Variants in UGT1A8 observed in about 807,000 individuals in gnomAD.
UGT1A8 encodes UDP glucuronosyltransferase family 1 member A8.
UGT1A8 carries 39 observed loss-of-function variants against 45.3 expected under a neutral mutation model. The observed-to-expected ratio is 0.86, with a 90% CI of 0.67 to 1.12. The LOEUF (loss-of-function observed/expected upper bound fraction) is 1.12. Among genes scored for constraint, UGT1A8 ranks in the 50% most tolerant of loss-of-function variants. The pLI, the probability that UGT1A8 is intolerant of heterozygous loss-of-function variation, is 0.00. For synonymous variants in UGT1A8, 275 were observed against 249.2 expected (o/e 1.10, Z -0.97); for missense variants, 719 against 664.9 (o/e 1.08, Z -0.90).
At position 233,719,392 on chromosome 2, in the gene UGT1A8, C is replaced by T. The variant is rs776862495; in HGVS notation, c.856-47642C>T. The T allele has an allele frequency of 4.8e-5, 78 of 1,613,868 alleles. 1 individual carries two copies. Among genetic ancestry groups the T allele is most frequent in the Non-Finnish European group, 6.4e-5 (75 of 1,179,882 alleles). On this transcript the variant is annotated intron_variant, in intron 1 of 4. Coordinates refer to ENST00000373450, the MANE Select transcript of UGT1A8 (RefSeq NM_019076.5). Reference sequence around the variant, plus strand: ...AAGGGCACACAGTGTCCAAATCCTTCCTCCTATATTCCTAAGTTACTAACG... The same window carrying T: ...AAGGGCACACAGTGTCCAAATCCTTTCTCCTATATTCCTAAGTTACTAACG...
At chr2:233,625,277 A>T (rs902894965) in intron 1 of UGT1A8, among the ~76,000 whole-genome samples, 5 of 152,172 alleles carry the variant, frequency 3.3e-5, no homozygotes, top group African/African-American at 1.2e-4. Flanking sequence ...GTTATTAAAA[A>T]GTCAAGAAAC....
intron 1 of UGT1A8, chr2:233,719,408 G>C (rs762624701): frequency 6.2e-7 from 1 of 1,613,826 alleles, no homozygotes. Flanking sequence ...ATATTCCTAA[G>C]TTACTAACGA....
chr2:233,759,141 G>A (rs766249806), intron 1 of UGT1A8, among the ~76,000 whole-genome samples: 1 of 152,222 alleles, frequency 6.6e-6, no homozygotes, highest in Non-Finnish European at 1.5e-5. Context: ...CGCAATGAAG[G>A]TGAGTTCCAC....
chr2:233,745,932 CAGCTGGGGGTT>C (rs1347994151), intron 1 of UGT1A8, among the ~76,000 whole-genome samples: 3 of 151,404 alleles, frequency 2.0e-5, no homozygotes, highest in East Asian at 3.9e-4. Context: ...TCAGAAGGGA[CAGCTGGGGGTT>C]GGGCAACTGG....
intron 1 of UGT1A8, among the ~76,000 whole-genome samples, chr2:233,662,877 T>TAA (rs2074003593): frequency 3.3e-5 from 5 of 151,878 alleles, no homozygotes; most frequent in Admixed American, 2.0e-4. Context: ...TTTCTGTAAC[T>TAA]ATTAAGATTG....
At chr2:233,725,989 G>C (rs2077488479) in intron 1 of UGT1A8, among the ~76,000 whole-genome samples, 1 of 152,034 alleles carries the variant, frequency 6.6e-6, no homozygotes, top group African/African-American at 2.4e-5. Context: ...AACGTGCTGA[G>C]ACTGCATCTC....
At chr2:233,684,175 T>A (rs1300963446) in intron 1 of UGT1A8, among the ~76,000 whole-genome samples, 2 of 152,194 alleles carry the variant, frequency 1.3e-5, no homozygotes, top group African/African-American at 2.4e-5. Flanking sequence ...TATTGGCAGA[T>A]GTTTGGTGAA....
In UGT1A8 at chr2:233,618,427, A is replaced by G. The variant is rs1126806; in HGVS notation, c.720A>G (p.Thr240=). The change falls in exon 1 of 5, where the codon ACA becomes ACG. Residue 240 remains threonine (T), a synonymous_variant. Transcript: ENST00000373450. ...CTGAAATTCTCCAAACACCTGTCAC[A>G]GCATATGATCTCTACAGCCACACAT... ...IASEILQTPV[T]AYDLYSHTSI... is the part of the protein sequence containing the mutation. 43 of 1,613,832 alleles carry G rather than the reference A, an allele frequency of 2.7e-5. No homozygotes were observed. The highest frequency in any genetic ancestry group is 1.5e-4 in the African/African-American group (11 of 74,920).
intron 1 of UGT1A8, chr2:233,682,084 C>T (rs1387851002): frequency 1.9e-6 from 3 of 1,614,096 alleles, no homozygotes; most frequent in Non-Finnish European, 8.5e-7. Context: ...AGAAACTCAT[C>T]CTCAGGGGGC....
chr2:233,739,889 C>G (rs1358734897), intron 1 of UGT1A8, among the ~76,000 whole-genome samples: 1 of 151,866 alleles, frequency 6.6e-6, no homozygotes, highest in African/African-American at 2.4e-5. Context: ...GTGTTTCCAC[C>G]CAAATCTCAT....
intron 1 of UGT1A8, among the ~76,000 whole-genome samples, chr2:233,658,629 AT>A (rs1406693181): frequency 6.6e-6 from 1 of 152,084 alleles, no homozygotes; most frequent in Non-Finnish European, 1.5e-5. Flanking sequence ...TGATGTTTTG[AT>A]CATGGTTAGA....
intron 1 of UGT1A8, chr2:233,689,841 A>C (rs531695215): frequency 2.2e-6 from 1 of 453,890 alleles, no homozygotes; most frequent in African/African-American, 2.0e-5. Flanking sequence ...ACTTTCTTGG[A>C]TATTGTTTTA....
intron 1 of UGT1A8, chr2:233,754,450 G>A (rs1695489030): frequency 5.7e-6 from 2 of 352,214 alleles, no homozygotes; most frequent in Non-Finnish European, 1.1e-5. Context: ...TAAATTCTTG[G>A]GTACAGCTGT....
chr2:233,693,830 G>A (rs930455403), intron 1 of UGT1A8: 1 of 1,614,166 alleles, frequency 6.2e-7, no homozygotes, highest in South Asian at 1.1e-5. Flanking sequence ...CTTCATTGGA[G>A]GTATCAACTG....
At chr2:233,772,163 T>C in intron 4 of UGT1A8, 99 bp from the exon 5 acceptor site, 2 of 1,568,298 alleles carry the variant, frequency 1.3e-6, no homozygotes, top group South Asian at 1.2e-5. Context: ...TTCCCAAGTT[T>C]GGAAAATCTG....
intron 1 of UGT1A8, among the ~76,000 whole-genome samples, chr2:233,666,151 G>T (rs1220595658): frequency 6.6e-6 from 1 of 152,174 alleles, no homozygotes; most frequent in East Asian, 1.9e-4. Context: ...AGAGAAGCAA[G>T]AGAAAAAGGA....
chr2:233,679,347 T>C (rs1476789174), intron 1 of UGT1A8, among the ~76,000 whole-genome samples: 1 of 152,240 alleles, frequency 6.6e-6, no homozygotes. Context: ...AGTCCTTCTT[T>C]TTGTACAACA....
chr2:233,743,355 G>T, intron 1 of UGT1A8: 1 of 979,806 alleles, frequency 1.0e-6, no homozygotes, highest in South Asian at 1.3e-5. Context: ...ACATGGACTT[G>T]AAGCTGCCTG....
At chr2:233,713,634 C>T (rs1302996427) in intron 1 of UGT1A8, 1 of 1,613,964 alleles carries the variant, frequency 6.2e-7, no homozygotes, top group South Asian at 1.1e-5. Flanking sequence ...CAAGAACATG[C>T]TCTACCCTCT....
Sources: allele counts gnomAD v4.1 joint callset (sites outside exome capture counted in the v4.1 genomes callset), GRCh38; gene constraint gnomAD v4.1.1; transcripts MANE v1.5; gene names NCBI Gene and HGNC (gene_info 2026-07-23, HGNC 2026-07-21).